The following KPNA6 variants were observed in gnomAD, a reference collection of about 807,000 sequenced individuals.
KPNA6 encodes the protein importin subunit alpha-7.
KPNA6 carries 9 observed loss-of-function variants against 72.0 expected under a neutral mutation model. The ratio of observed to expected loss-of-function variants is 0.13; its 90% CI spans 0.08 to 0.22. The LOEUF (loss-of-function observed/expected upper bound fraction) is 0.22, where lower values mean the gene tolerates loss of function less well. KPNA6 is among the 10% of genes least tolerant of loss of function. KPNA6 has a pLI of 1.00. For missense variants in KPNA6, 374 were observed against 655.7 expected, an observed-to-expected ratio of 0.57 and a Z score of 4.69; for synonymous variants, 219 against 242.1, an observed-to-expected ratio of 0.90 and a Z score of 0.89.
intron 1 of KPNA6, among the ~76,000 whole-genome samples, chr1:32,149,201 G>A (rs935921812): frequency 6.6e-6 from 1 of 151,686 alleles, no homozygotes; most frequent in Non-Finnish European, 1.5e-5. Context: ...TAGAACATTT[G>A]TTTGGTTCCT....
At chr1:32,112,690 A>C (rs1641261977) in intron 1 of KPNA6, among the ~76,000 whole-genome samples, 1 of 152,064 alleles carries the variant, frequency 6.6e-6, no homozygotes, top group African/African-American at 2.4e-5. Flanking sequence ...ACGGAGTTTT[A>C]CCATGTTGGA....
intron 13 of KPNA6, 125 bp from the exon 14 acceptor site, chr1:32,170,582 G>C: frequency 1.3e-6 from 1 of 748,652 alleles, no homozygotes; most frequent in South Asian, 1.8e-5. Flanking sequence ...GTCCAAGAGT[G>C]ATCTGATCAT....
At chr1:32,137,739 C>T (rs1641759656) in intron 1 of KPNA6, among the ~76,000 whole-genome samples, 1 of 151,994 alleles carries the variant, frequency 6.6e-6, no homozygotes, top group Non-Finnish European at 1.5e-5. Context: ...TCAGTAGGAG[C>T]CAATTTGGAG....
intron 9 of KPNA6, 132 bp from the exon 10 acceptor site, chr1:32,163,103 C>CAA: frequency 1.7e-5 from 9 of 514,884 alleles, no homozygotes; most frequent in African/African-American, 6.9e-5. Flanking sequence ...GACTCTGTCT[C>CAA]AAAAAAAAAA....
Position 32,112,158 on chromosome 1 carries a change from C to T in KPNA6, c.4+4024C>T, listed in dbSNP as rs202237521. ...GCCTTCCTTATTTAAAAGAGACTTGCCAGCTTTTATTTTATTATTTTTTGC... is the reference window on the plus strand; with the variant it reads ...GCCTTCCTTATTTAAAAGAGACTTGTCAGCTTTTATTTTATTATTTTTTGC... On this transcript the variant is annotated intron_variant, in intron 1 of 13. Transcript: ENST00000373625. 5.3e-5 allele frequency among the ~76,000 whole-genome samples: 8 copies of T among 152,276 alleles called. No homozygotes were observed. In the East Asian group the frequency reaches 1.5e-3, roughly 29 times the overall value.
rs377161233 is a variant in KPNA6, at chr1:32,108,071, A to G, written c.-60A>G. ...CAGATCCGCCATATTGTCTACTGAA[A>G]GCTGCCGCTGAAGCTGCCGCCGTTG... On this transcript the variant is annotated 5_prime_UTR_variant, in exon 1 of 14. Transcript: ENST00000373625. 242 of 1,613,420 alleles carry G rather than the reference A, an allele frequency of 1.5e-4. 1 individual carries two copies. In the African/African-American group the frequency reaches 3.0e-3, roughly 20 times the overall value.
At chr1:32,169,632 AT>A (rs957531240) in intron 12 of KPNA6, among the ~76,000 whole-genome samples, 6 of 101,546 alleles carry the variant, frequency 5.9e-5, no homozygotes, top group African/African-American at 1.1e-4. Flanking sequence ...TTTTTTTTGT[AT>A]TTTTTTTTAG....
chr1:32,159,445 C>A lies in KPNA6; in HGVS notation c.472C>A (p.Gln158Lys). ...AACGAATATTGCCTCTGGAACCTCTCAGCAGACCAAAATTGTCATTGAAGC... is the reference window on the plus strand; with the variant it reads ...AACGAATATTGCCTCTGGAACCTCTAAGCAGACCAAAATTGTCATTGAAGC... ...ALTNIASGTS[Q>K]QTKIVIEAGA... Residue 158 changes from glutamine (Q) to lysine (K), a missense_variant, in exon 6 of 14, where the codon CAG (glutamine) becomes AAG (lysine). Coordinates refer to ENST00000373625, the MANE Select transcript of KPNA6 (RefSeq NM_012316.5). The A allele has an allele frequency of 6.2e-7, 1 of 1,614,118 alleles. No homozygotes were observed. Among genetic ancestry groups the A allele is most frequent in the Non-Finnish European group, 8.5e-7 (1 of 1,180,000 alleles).
intron 1 of KPNA6, among the ~76,000 whole-genome samples, chr1:32,151,539 C>T (rs1642032947): frequency 6.6e-6 from 1 of 152,086 alleles, no homozygotes; most frequent in South Asian, 2.1e-4. Context: ...AATGCTGTCT[C>T]AGTGTTTTCA....
chr1:32,154,571 T>C lies in KPNA6; in HGVS notation c.5-17T>C, dbSNP rs1642100754. ...GTCCTCTCAAGAGTTTTTGGCAGTG[T>C]GTATCTTTTCTTCTAGAGACCATGG... On this transcript the variant is annotated splice_polypyrimidine_tract_variant and intron_variant, in intron 1 of 13. Transcript: ENST00000373625. 6.2e-7 allele frequency: 1 copy of C among 1,611,192 alleles called. No individual in the cohort carries two copies. The highest frequency in any genetic ancestry group is 1.1e-5 in the South Asian group (1 of 90,700).
chr1:32,142,093 A>G (rs1641847929), intron 1 of KPNA6, among the ~76,000 whole-genome samples: 1 of 151,850 alleles, frequency 6.6e-6, no homozygotes, highest in Non-Finnish European at 1.5e-5. Context: ...CGTCTCTACT[A>G]AAAATGCAAA....
chr1:32,122,299 GA>G (rs1173185998), intron 1 of KPNA6, among the ~76,000 whole-genome samples: 1 of 139,414 alleles, frequency 7.2e-6, no homozygotes, highest in Non-Finnish European at 1.6e-5. Flanking sequence ...GAAACAAAAC[GA>G]AAAAAAAGCC....
chr1:32,122,100 C>T (rs1009257210), intron 1 of KPNA6, among the ~76,000 whole-genome samples: 9 of 149,706 alleles, frequency 6.0e-5, no homozygotes, highest in African/African-American at 1.0e-4. Flanking sequence ...ATGGTGAAAC[C>T]CCGTCTGTAC....
intron 1 of KPNA6, among the ~76,000 whole-genome samples, chr1:32,121,470 G>C (rs1187454896): frequency 6.6e-6 from 1 of 152,162 alleles, no homozygotes; most frequent in Non-Finnish European, 1.5e-5. Flanking sequence ...GCTCAAGAGT[G>C]AGGCCTGGGA....
chr1:32,108,106 C>T lies in KPNA6; in HGVS notation c.-25C>T. On this transcript the variant is annotated 5_prime_UTR_variant, in exon 1 of 14. Coordinates refer to ENST00000373625, the MANE Select transcript of KPNA6 (RefSeq NM_012316.5). ...GAAGCTGCCGCCGTTGCCTCCGCCG[C>T]CAAGAGTGAGCGAGCGGACCCGCGA... The T allele has an allele frequency of 6.2e-7, 1 of 1,614,060 alleles. No individual in the cohort carries two copies. Among genetic ancestry groups the T allele is most frequent in the Non-Finnish European group, 8.5e-7 (1 of 1,179,950 alleles).
intron 1 of KPNA6, among the ~76,000 whole-genome samples, chr1:32,142,255 C>CA (rs763008502): frequency 0.026 from 1,457 of 55,100 alleles, 55 homozygotes; most frequent in Non-Finnish European, 0.032. Flanking sequence ...GACCCTGTCT[C>CA]AAAAAAAAAA....
At chr1:32,163,541 G>A (rs1475862858) in intron 10 of KPNA6, among the ~76,000 whole-genome samples, 4 of 152,104 alleles carry the variant, frequency 2.6e-5, no homozygotes, top group Non-Finnish European at 5.9e-5. Flanking sequence ...ACAAATCATC[G>A]TCTAATGGGT....
At chr1:32,162,306 T>C (rs1159957332) in intron 8 of KPNA6, 55 bp from the exon 9 acceptor site, 15 of 1,494,134 alleles carry the variant, frequency 1.0e-5, no homozygotes, top group African/African-American at 1.4e-5. Context: ...GGGTTCGTGA[T>C]AGAGCTGATA....
At chr1:32,112,272 A>G (rs777260457) in intron 1 of KPNA6, among the ~76,000 whole-genome samples, 4 of 152,208 alleles carry the variant, frequency 2.6e-5, no homozygotes, top group Non-Finnish European at 5.9e-5. Flanking sequence ...ATAATACCCA[A>G]CACTTGTATA....
Sources: allele counts gnomAD v4.1 joint callset (sites outside exome capture counted in the v4.1 genomes callset), GRCh38; gene constraint gnomAD v4.1.1; transcripts MANE v1.5; gene names NCBI Gene and HGNC (gene_info 2026-07-23, HGNC 2026-07-21).